LRRC4C: variants seen among roughly 807,000 people sequenced by gnomAD.
The protein encoded by LRRC4C is leucine-rich repeat-containing protein 4C.
In LRRC4C, 5 loss-of-function variants were observed where a neutral mutation model predicts 33.6. That is an observed-to-expected ratio of 0.15 (90% CI 0.08 to 0.31). The LOEUF is 0.31. Among genes scored for constraint, LRRC4C ranks in the 10% least tolerant of loss-of-function variants. The pLI is 1.00. For synonymous variants in LRRC4C, 329 were observed against 302.0 expected, an observed-to-expected ratio of 1.09 and a Z score of -0.93; for missense variants, 560 against 796.7, an observed-to-expected ratio of 0.70 and a Z score of 3.58.
intron 2 of LRRC4C, among the ~76,000 whole-genome samples, chr11:40,655,308 A>T (rs1370882260): frequency 2.6e-5 from 4 of 152,216 alleles, no homozygotes; most frequent in Non-Finnish European, 5.9e-5. Flanking sequence ...ATTCATAATA[A>T]CACAAAGGCT....
chr11:40,417,398 C>T (rs1950364682), intron 3 of LRRC4C, among the ~76,000 whole-genome samples: 1 of 151,988 alleles, frequency 6.6e-6, no homozygotes, highest in Non-Finnish European at 1.5e-5. Flanking sequence ...GTGGCATGAT[C>T]CCGGCTCACT....
At chr11:40,899,090 G>T (rs1956095189) in intron 2 of LRRC4C, among the ~76,000 whole-genome samples, 1 of 85,136 alleles carries the variant, frequency 1.2e-5, no homozygotes. Context: ...TATGGATGTG[G>T]TCATTTTGAA....
chr11:40,777,625 G>A (rs1428831282), intron 2 of LRRC4C, among the ~76,000 whole-genome samples: 1 of 151,242 alleles, frequency 6.6e-6, no homozygotes, highest in Non-Finnish European at 1.5e-5. Context: ...TGAGTCTTGG[G>A]TTGTCACTAC....
intron 6 of LRRC4C, among the ~76,000 whole-genome samples, chr11:40,122,812 A>G (rs530821626): frequency 7.1e-6 from 1 of 140,168 alleles, no homozygotes; most frequent in Non-Finnish European, 1.5e-5. Flanking sequence ...CTACTCCCTT[A>G]CTCTTTTCTA....
intron 3 of LRRC4C, among the ~76,000 whole-genome samples, chr11:40,494,814 C>A (rs540616729): frequency 6.6e-6 from 1 of 152,282 alleles, no homozygotes; most frequent in East Asian, 1.9e-4. Context: ...CACTGTCCAG[C>A]AAAGTATTGT....
intron 1 of LRRC4C, among the ~76,000 whole-genome samples, chr11:41,051,362 T>C (rs61877030): frequency 0.11 from 17,180 of 151,772 alleles, 1,060 homozygotes; most frequent in Non-Finnish European, 0.14. Flanking sequence ...ACAAATCTTA[T>C]TTTCACTTAC....
chr11:40,198,583 C>T (rs1862455599), intron 5 of LRRC4C, among the ~76,000 whole-genome samples: 1 of 152,118 alleles, frequency 6.6e-6, no homozygotes, highest in Non-Finnish European at 1.5e-5. Flanking sequence ...TTTTGAAGCT[C>T]AAATAAAGTT....
intron 2 of LRRC4C, among the ~76,000 whole-genome samples, chr11:40,899,807 AG>A (rs1956129021): frequency 6.6e-6 from 1 of 152,214 alleles, no homozygotes; most frequent in Admixed American, 6.5e-5. Context: ...GGTAGATCAA[AG>A]AACATGATAT....
intron 1 of LRRC4C, among the ~76,000 whole-genome samples, chr11:41,057,544 G>A (rs913033380): frequency 6.6e-6 from 1 of 152,190 alleles, no homozygotes. Flanking sequence ...GACCAGATTG[G>A]GAACTTGAGG....
intron 2 of LRRC4C, among the ~76,000 whole-genome samples, chr11:40,752,147 C>T (rs1948719815): frequency 6.6e-6 from 1 of 151,980 alleles, no homozygotes; most frequent in Non-Finnish European, 1.5e-5. Context: ...AACTGTAAAG[C>T]TAGTTGAAGC....
chr11:40,708,140 G>T (rs1451937244), intron 2 of LRRC4C, among the ~76,000 whole-genome samples: 3 of 151,942 alleles, frequency 2.0e-5, no homozygotes, highest in Non-Finnish European at 2.9e-5. Context: ...TATCAATTTT[G>T]TTGATCTTTT....
intron 1 of LRRC4C, among the ~76,000 whole-genome samples, chr11:41,213,699 A>G (rs1946918195): frequency 6.6e-6 from 1 of 152,240 alleles, no homozygotes; most frequent in Non-Finnish European, 1.5e-5. Flanking sequence ...TATAACAGAT[A>G]AAGTGCAGGG....
chr11:41,203,049 G>T (rs1295647956), intron 1 of LRRC4C, among the ~76,000 whole-genome samples: 1 of 152,316 alleles, frequency 6.6e-6, no homozygotes, highest in African/African-American at 2.4e-5. Flanking sequence ...GCCTCCCAAG[G>T]TGCTGGGATA....
intron 3 of LRRC4C, among the ~76,000 whole-genome samples, chr11:40,634,782 T>C (rs1293504046): frequency 6.6e-6 from 1 of 152,064 alleles, no homozygotes; most frequent in African/African-American, 2.4e-5. Flanking sequence ...CTTTGGAAGC[T>C]AAGGCAGGTG....
intron 4 of LRRC4C, among the ~76,000 whole-genome samples, chr11:40,257,793 A>G (rs1413513277): frequency 6.6e-6 from 1 of 152,168 alleles, no homozygotes; most frequent in Non-Finnish European, 1.5e-5. Flanking sequence ...GGCTACATAC[A>G]AGCTGAGAAC....
chr11:40,586,077 T>G (rs1958723961), intron 3 of LRRC4C, among the ~76,000 whole-genome samples: 2 of 141,234 alleles, frequency 1.4e-5, no homozygotes, highest in African/African-American at 2.7e-5. Flanking sequence ...TGAACTAGTT[T>G]ACAGTCCCAC....
chr11:41,058,855 C>T (rs1858838037), intron 1 of LRRC4C, among the ~76,000 whole-genome samples: 1 of 152,070 alleles, frequency 6.6e-6, no homozygotes, highest in South Asian at 2.1e-4. Flanking sequence ...GGTGATTATA[C>T]ACCATCGAAT....
In LRRC4C at chr11:40,208,854, C is replaced by T. The variant is rs1008214982; in HGVS notation, c.-96+32665G>A. 2.6e-5 allele frequency among the ~76,000 whole-genome samples: 4 copies of T among 151,954 alleles called. 1 individual carries two copies. Among genetic ancestry groups the T allele is most frequent in the South Asian group, 4.2e-4 (2 of 4,818 alleles). On this transcript the variant is annotated intron_variant, in intron 5 of 6. Coordinates refer to ENST00000528697, the MANE Select transcript of LRRC4C (RefSeq NM_001258419.2). The stretch of plus-strand genomic sequence containing the variant: ...CATTTCTTCCAAACTTCACATTCAC[C>T]GACTTCAACTCGGTAGTTTAAAATT...
In LRRC4C at chr11:40,360,404, C is replaced by T. The variant is rs183080702; in HGVS notation, c.-269-40683G>A. On this transcript the variant is annotated intron_variant, in intron 3 of 6. Coordinates refer to ENST00000528697, the MANE Select transcript of LRRC4C (RefSeq NM_001258419.2). ...ATTACACAAGAGGTCCGGGAAACTA[C>T]CAAGTCTGGAAAACGGATCAATAGA... is the stretch of plus-strand genomic sequence containing the variant. 3.1e-3 allele frequency among the ~76,000 whole-genome samples: 475 copies of T among 152,244 alleles called. 4 individuals are homozygous for T. The highest frequency in any genetic ancestry group is 5.1e-3 in the Non-Finnish European group (346 of 68,014).
Sources: allele counts gnomAD v4.1 joint callset (sites outside exome capture counted in the v4.1 genomes callset), GRCh38; gene constraint gnomAD v4.1.1; transcripts MANE v1.5; gene names NCBI Gene and HGNC (gene_info 2026-07-23, HGNC 2026-07-21).